Variants in RABGAP1L observed in about 807,000 individuals in gnomAD.
RABGAP1L encodes rab GTPase-activating protein 1-like.
A neutral mutation model predicts 137.7 loss-of-function variants in RABGAP1L; 63 were observed. The observed-to-expected ratio is 0.46, with a 90% CI of 0.37 to 0.56. The LOEUF is 0.56. RABGAP1L is among the 20% of genes least tolerant of loss of function. RABGAP1L has a pLI of 0.00. For missense variants in RABGAP1L, 1,095 were observed against 1,244.0 expected, an observed-to-expected ratio of 0.88 and a Z score of 1.80; for synonymous variants, 431 against 433.7, an observed-to-expected ratio of 0.99 and a Z score of 0.08.
chr1:174,186,991 G>A (rs910769928), intron 1 of RABGAP1L, among the ~76,000 whole-genome samples: 16 of 151,910 alleles, frequency 1.1e-4, no homozygotes, highest in African/African-American at 3.4e-4. Flanking sequence ...CAGTTTCTTC[G>A]AAATCTACTT....
chr1:174,384,996 A>G (rs748881845), intron 12 of RABGAP1L, among the ~76,000 whole-genome samples: 9 of 152,300 alleles, frequency 5.9e-5, no homozygotes, highest in Middle Eastern at 6.8e-3. Context: ...AACCCTGGGA[A>G]TGTTACTTGA....
chr1:174,265,014 T>A (rs976371044), intron 7 of RABGAP1L, among the ~76,000 whole-genome samples: 1 of 152,230 alleles, frequency 6.6e-6, no homozygotes, highest in Admixed American at 6.5e-5. Context: ...ACATGTGTTT[T>A]ATGAGTGATA....
intron 13 of RABGAP1L, among the ~76,000 whole-genome samples, chr1:174,629,565 C>T (rs1314123253): frequency 6.6e-6 from 1 of 152,096 alleles, no homozygotes; most frequent in Admixed American, 6.5e-5. Flanking sequence ...GACGGAGTCT[C>T]GCTCTGTCGC....
chr1:174,589,784 C>A (rs564528984), intron 13 of RABGAP1L, among the ~76,000 whole-genome samples: 13 of 152,180 alleles, frequency 8.5e-5, no homozygotes, highest in Non-Finnish European at 1.9e-4. Context: ...TATGGATTTA[C>A]TTCTGGATTC....
chr1:174,786,902 A>G (rs1687484527), intron 18 of RABGAP1L, among the ~76,000 whole-genome samples: 1 of 152,206 alleles, frequency 6.6e-6, no homozygotes, highest in South Asian at 2.1e-4. Context: ...ATGTATTTAA[A>G]TGATCTCTGA....
chr1:174,609,597 T>G (rs1169669715), intron 13 of RABGAP1L, among the ~76,000 whole-genome samples: 1 of 152,144 alleles, frequency 6.6e-6, no homozygotes, highest in Non-Finnish European at 1.5e-5. Context: ...GTACACTGAA[T>G]GGGAATTTTC....
chr1:174,827,306 C>G (rs568717403), intron 19 of RABGAP1L, among the ~76,000 whole-genome samples: 2 of 152,284 alleles, frequency 1.3e-5, no homozygotes, highest in African/African-American at 4.8e-5. Context: ...TGCCACTGTG[C>G]CCAGCTCTAA....
At chr1:174,414,601 C>G (rs1158830076) in intron 13 of RABGAP1L, among the ~76,000 whole-genome samples, 1 of 151,868 alleles carries the variant, frequency 6.6e-6, no homozygotes, top group Non-Finnish European at 1.5e-5. Context: ...AAACTTAGTG[C>G]TCCATGATTT....
chr1:174,645,775 A>G (rs1038641967), intron 14 of RABGAP1L, among the ~76,000 whole-genome samples: 2 of 152,138 alleles, frequency 1.3e-5, no homozygotes, highest in Non-Finnish European at 2.9e-5. Context: ...CTAGTTCTAG[A>G]TCCTTGAGGA....
intron 12 of RABGAP1L, among the ~76,000 whole-genome samples, chr1:174,389,697 A>G (rs1040763137): frequency 2.6e-5 from 4 of 152,138 alleles, no homozygotes; most frequent in African/African-American, 9.6e-5. Flanking sequence ...TCATAATTAT[A>G]TTCATTCACT....
intron 17 of RABGAP1L, among the ~76,000 whole-genome samples, chr1:174,722,177 G>A (rs1431211147): frequency 2.0e-5 from 3 of 151,930 alleles, no homozygotes; most frequent in East Asian, 3.9e-4. Flanking sequence ...TGATCCACCC[G>A]CCCCACCCAC....
chr1:174,731,110 T>G (rs332799), intron 17 of RABGAP1L, among the ~76,000 whole-genome samples: 76,541 of 151,956 alleles, frequency 0.5, 21,940 homozygotes, highest in African/African-American at 0.8. Flanking sequence ...CAGTAGCTGG[T>G]ATTACAGGTA....
chr1:174,896,555 G>T (rs1327266464), intron 19 of RABGAP1L, among the ~76,000 whole-genome samples: 4 of 152,162 alleles, frequency 2.6e-5, no homozygotes, highest in Non-Finnish European at 4.4e-5. Context: ...TTTTCTTCTA[G>T]GGTTTTTATG....
At chr1:174,465,029 A>G (rs1255459631) in intron 13 of RABGAP1L, among the ~76,000 whole-genome samples, 2 of 152,112 alleles carry the variant, frequency 1.3e-5, no homozygotes, top group Non-Finnish European at 2.9e-5. Flanking sequence ...ATAGGATCAA[A>G]TGTCCACCAT....
chr1:174,735,857 G>C (rs959911791), intron 17 of RABGAP1L, among the ~76,000 whole-genome samples: 2 of 152,078 alleles, frequency 1.3e-5, no homozygotes, highest in African/African-American at 4.8e-5. Context: ...TGAACCACCA[G>C]AGCCAGAATT....
intron 8 of RABGAP1L, among the ~76,000 whole-genome samples, chr1:174,274,872 A>G (rs1434598922): frequency 6.6e-6 from 1 of 152,180 alleles, no homozygotes; most frequent in Non-Finnish European, 1.5e-5. Flanking sequence ...ATGGGTAATA[A>G]TGAAAAAAGA....
At chr1:174,604,975 T>C (rs1223774900) in intron 13 of RABGAP1L, among the ~76,000 whole-genome samples, 1 of 152,118 alleles carries the variant, frequency 6.6e-6, no homozygotes, top group Non-Finnish European at 1.5e-5. Flanking sequence ...ACCCACTCTC[T>C]ACCAAAAATA....
intron 11 of RABGAP1L, among the ~76,000 whole-genome samples, chr1:174,334,705 T>C (rs1415953358): frequency 6.6e-6 from 1 of 152,172 alleles, no homozygotes; most frequent in African/African-American, 2.4e-5. Context: ...TCTCTCCCCT[T>C]TTTCCAGTCT....
At chr1:174,579,293 TG>T (rs2148078264) in intron 13 of RABGAP1L, among the ~76,000 whole-genome samples, 1 of 152,208 alleles carries the variant, frequency 6.6e-6, no homozygotes, top group Non-Finnish European at 1.5e-5. Context: ...GGAGACCAGA[TG>T]ACTAGTAGGC....
Sources: gnomAD v4.1 joint callset for allele counts (sites outside exome capture counted in the v4.1 genomes callset) on GRCh38, gnomAD v4.1.1 for gene constraint, MANE v1.5 for transcripts, NCBI Gene and HGNC (gene_info 2026-07-23, HGNC 2026-07-21) for gene names.